MTHFD1L: variants seen among roughly 807,000 people sequenced by gnomAD.
The protein encoded by MTHFD1L is methylenetetrahydrofolate dehydrogenase (NADP+ dependent) 1 like, also known as monofunctional C1-tetrahydrofolate synthase, mitochondrial.
In MTHFD1L, 81 loss-of-function variants were observed where a neutral mutation model predicts 119.5. The observed-to-expected ratio is 0.68, with a 90% confidence interval of 0.57 to 0.82. MTHFD1L has a LOEUF of 0.82. Ranked by LOEUF, MTHFD1L falls within the 40% of genes least tolerant of loss-of-function variation. MTHFD1L has a pLI of 0.00. For missense variants in MTHFD1L, 1,125 were observed against 1,253.4 expected (o/e 0.90, Z 1.55); for synonymous variants, 430 against 475.2 (o/e 0.90, Z 1.24).
chr6:150,907,065 T>C (rs1786048290), intron 8 of MTHFD1L, among the ~76,000 whole-genome samples: 2 of 152,204 alleles, frequency 1.3e-5, no homozygotes, highest in South Asian at 4.2e-4. Flanking sequence ...GCTTCCTCTG[T>C]TCAGCATCCC....
In MTHFD1L at chr6:150,926,734, C is replaced by T. The variant is rs377462822; in HGVS notation, c.1256+439C>T. On this transcript the variant is annotated intron_variant, in intron 11 of 27. Transcript: ENST00000367321. This position sits in a 1 kb window ranked among gnomAD's most constrained non-coding sequence, Gnocchi z 4.3. ...CTGTTAATATCCTTGATCTTACCTACATATTCACATTTCAAAAGCTCATTA... is the reference window on the plus strand; with the variant it reads ...CTGTTAATATCCTTGATCTTACCTATATATTCACATTTCAAAAGCTCATTA... Among the ~76,000 whole-genome samples the T allele has an allele frequency of 6.5e-4, 99 of 152,314 alleles. No homozygotes were observed. The highest frequency in any genetic ancestry group is 1.4e-3 in the African/African-American group (59 of 41,572).
At chr6:150,887,003 A>G (rs1203624270) in intron 6 of MTHFD1L, among the ~76,000 whole-genome samples, 1 of 151,832 alleles carries the variant, frequency 6.6e-6, no homozygotes, top group Admixed American at 6.6e-5. Flanking sequence ...TGAAAAAAAA[A>G]AAAAAAGAAA....
intron 20 of MTHFD1L, among the ~76,000 whole-genome samples, chr6:150,975,480 C>T (rs1776426588): frequency 6.6e-6 from 1 of 152,318 alleles, no homozygotes. Context: ...CCCTCTCATT[C>T]TCAGTTAATA....
intron 26 of MTHFD1L, among the ~76,000 whole-genome samples, chr6:151,084,369 C>T (rs577609619): frequency 1.1e-4 from 17 of 152,176 alleles, no homozygotes; most frequent in African/African-American, 3.1e-4. Flanking sequence ...GCGTGTCTTC[C>T]GGGCACCGGA....
intron 10 of MTHFD1L, 67 bp downstream of exon 10, chr6:150,922,369 G>C: frequency 1.6e-6 from 2 of 1,282,150 alleles, no homozygotes; most frequent in South Asian, 1.3e-5. Flanking sequence ...GTTAGTCATG[G>C]GGGAGAAGCA....
chr6:151,057,745 A>G (rs1443053032), intron 26 of MTHFD1L, among the ~76,000 whole-genome samples: 1 of 152,036 alleles, frequency 6.6e-6, no homozygotes, highest in Admixed American at 6.6e-5. Flanking sequence ...ATTCCACAGA[A>G]CAGTCTTACC....
intron 16 of MTHFD1L, among the ~76,000 whole-genome samples, chr6:150,954,899 C>A (rs747905289): frequency 6.6e-6 from 1 of 152,112 alleles, no homozygotes; most frequent in Non-Finnish European, 1.5e-5. Context: ...TGCCACCACA[C>A]CCAGCCAATA....
At chr6:151,079,817 C>T (rs981292688) in intron 26 of MTHFD1L, among the ~76,000 whole-genome samples, 1 of 151,184 alleles carries the variant, frequency 6.6e-6, no homozygotes. Flanking sequence ...CATAGTAAGC[C>T]CTAAAGAGCA....
At chr6:150,936,752 C>T in intron 11 of MTHFD1L, 52 bp from the exon 12 acceptor site, 1 of 1,590,364 alleles carries the variant, frequency 6.3e-7, no homozygotes, top group South Asian at 1.1e-5. Flanking sequence ...GCTGGTTTTG[C>T]ATAGGTTGTC....
intron 26 of MTHFD1L, among the ~76,000 whole-genome samples, chr6:151,072,088 C>T (rs1004816618): frequency 6.6e-6 from 1 of 152,084 alleles, no homozygotes; most frequent in Non-Finnish European, 1.5e-5. Context: ...CTCAGCCTCC[C>T]AAAGTGCTGA....
At chr6:150,881,014 A>G (rs1408025829) in intron 4 of MTHFD1L, among the ~76,000 whole-genome samples, 9 of 152,178 alleles carry the variant, frequency 5.9e-5, no homozygotes, top group Non-Finnish European at 1.3e-4. Flanking sequence ...CATACTTTGC[A>G]AATATTTTCT....
intron 18 of MTHFD1L, among the ~76,000 whole-genome samples, chr6:150,963,179 G>A (rs149806965): frequency 2.6e-5 from 4 of 152,252 alleles, no homozygotes; most frequent in African/African-American, 4.8e-5. Flanking sequence ...GCCTCCCAAC[G>A]TGTTGGGATT....
At chr6:150,946,777 A>G (rs888041983) in intron 15 of MTHFD1L, among the ~76,000 whole-genome samples, 2 of 152,064 alleles carry the variant, frequency 1.3e-5, no homozygotes, top group Non-Finnish European at 2.9e-5. Flanking sequence ...TTTATGCTTC[A>G]TTAAAAATCA....
At chr6:151,007,500 CCAGTGACT>C (rs1781571556) in intron 20 of MTHFD1L, among the ~76,000 whole-genome samples, 1 of 152,116 alleles carries the variant, frequency 6.6e-6, no homozygotes, top group Non-Finnish European at 1.5e-5. Context: ...AAGAAAAACC[CCAGTGACT>C]CAGTAATGTA....
chr6:150,933,180 A>G (rs1457703045), intron 11 of MTHFD1L, among the ~76,000 whole-genome samples: 1 of 152,100 alleles, frequency 6.6e-6, no homozygotes, highest in African/African-American at 2.4e-5. Flanking sequence ...TGGAGTTTTG[A>G]GGAGGTCATC....
chr6:150,907,855 G>A (rs914365932), intron 8 of MTHFD1L, among the ~76,000 whole-genome samples: 21 of 151,794 alleles, frequency 1.4e-4, no homozygotes, highest in Non-Finnish European at 3.1e-4. Flanking sequence ...TGAATGCCCA[G>A]TGTCCAGAAT....
intron 26 of MTHFD1L, among the ~76,000 whole-genome samples, chr6:151,059,869 C>G (rs764066573): frequency 2.0e-5 from 3 of 152,106 alleles, no homozygotes; most frequent in East Asian, 1.9e-4. Flanking sequence ...TATTTACGAG[C>G]GAGTTGATGC....
At chr6:150,866,184 G>A in intron 1 of MTHFD1L, 135 bp downstream of exon 1, 2 of 1,364,506 alleles carry the variant, frequency 1.5e-6, no homozygotes, top group East Asian at 3.0e-5. Flanking sequence ...AGGGGGGCCG[G>A]GCGGTGTGTC....
At position 151,034,496 on chromosome 6, in the gene MTHFD1L, C is replaced by G; in HGVS notation, c.2590C>G (p.Pro864Ala). The change falls in exon 25 of 28, where the codon CCA becomes GCA. Residue 864 changes from proline to alanine, a missense_variant. Pro to Ala is a conservative substitution (Grantham distance 27). This residue lies in a region of MTHFD1L where 1,058 missense variants were observed against 1,151.2 expected (regional missense o/e 0.92). Coordinates refer to ENST00000367321, the MANE Select transcript of MTHFD1L (RefSeq NM_015440.5). ...GTTATAATTTGTGTTTCTCCAGGTTCCAATTGTGGACAAGATAAGGACCAT... is the reference window on the plus strand; with the variant it reads ...GTTATAATTTGTGTTTCTCCAGGTTGCAATTGTGGACAAGATAAGGACCAT... ...RFQFLYDVQV[P>A]IVDKIRTIAQ... 2 of 1,601,722 alleles carry G rather than the reference C, an allele frequency of 1.2e-6. No homozygotes were observed. The highest frequency in any genetic ancestry group is 4.5e-4 in the Middle Eastern group (2 of 4,412).
Sources: allele counts gnomAD v4.1 joint callset (sites outside exome capture counted in the v4.1 genomes callset), GRCh38; gene constraint gnomAD v4.1.1; regional missense constraint gnomAD v4.1.1; non-coding constraint Gnocchi (gnomAD v3.1); transcripts MANE v1.5; gene names NCBI Gene and HGNC (gene_info 2026-07-23, HGNC 2026-07-21).